The following PDS5A variants were observed in gnomAD, a reference collection of about 807,000 sequenced individuals.
PDS5A encodes PDS5 cohesin associated factor A, also known as sister chromatid cohesion protein PDS5 homolog A.
A neutral mutation model predicts 167.1 loss-of-function variants in PDS5A; 42 were observed. The observed-to-expected ratio is 0.25, with a 90% CI of 0.20 to 0.33. The LOEUF (loss-of-function observed/expected upper bound fraction) is 0.33, where lower values mean the gene tolerates loss of function less well. PDS5A is among the 10% of genes least tolerant of loss of function. PDS5A has a pLI of 1.00. For missense variants in PDS5A, 1,033 were observed against 1,605.9 expected, an observed-to-expected ratio of 0.64 and a Z score of 6.10; for synonymous variants, 553 against 554.6, an observed-to-expected ratio of 1.00 and a Z score of 0.04.
rs373101349 is a variant in PDS5A, at chr4:39,879,692, C to A, written c.1992+36G>T. The A allele has an allele frequency of 3.1e-6, 4 of 1,286,634 alleles. No homozygotes were observed. In the Admixed American group the frequency reaches 5.0e-5, roughly 16 times the overall value. 79.7% of individuals were successfully genotyped at this position (1,286,634 alleles called of 1,614,324 possible). A position where few individuals can be genotyped will look rare whatever the true frequency, so the allele number is the denominator to read the frequency against. On this transcript the variant is annotated intron_variant, in intron 18 of 32. Transcript: ENST00000303538. ...GAAGGGAAGGCAAATTATGACCCCA[C>A]GGAAATACATGGCAACAAAACTGTT...
At chr4:39,898,095 A>T in intron 16 of PDS5A, 1 of 1,108,534 alleles carries the variant, frequency 9.0e-7, no homozygotes, top group Non-Finnish European at 1.1e-6. Flanking sequence ...GTACACAAGC[A>T]TTCAGAAAAT....
intron 2 of PDS5A, among the ~76,000 whole-genome samples, chr4:39,932,251 T>C (rs1726140376): frequency 6.6e-6 from 1 of 152,196 alleles, no homozygotes; most frequent in Non-Finnish European, 1.5e-5. Flanking sequence ...ACAGGCCTGA[T>C]AAGCATTTGT....
intron 26 of PDS5A, among the ~76,000 whole-genome samples, chr4:39,853,722 G>A (rs772821250): frequency 3.3e-5 from 5 of 152,042 alleles, no homozygotes; most frequent in East Asian, 1.9e-4. Context: ...TTTTTCCCCT[G>A]GCTCCTTAAA....
chr4:39,913,865 T>C, intron 8 of PDS5A, 139 bp from the exon 9 acceptor site: 1 of 614,624 alleles, frequency 1.6e-6, no homozygotes, highest in Non-Finnish European at 2.9e-6. Context: ...ATGTCCTCAC[T>C]TACTATGCAG....
chr4:39,860,461 G>C (rs1279641765), intron 26 of PDS5A, among the ~76,000 whole-genome samples: 2 of 149,010 alleles, frequency 1.3e-5, no homozygotes, highest in East Asian at 2.0e-4. Flanking sequence ...TAAGACACTT[G>C]TCTCAAAAAA....
rs955336388 is a variant in PDS5A at position 39,841,539 on chromosome 4, G to A, written c.3657+409C>T. 4.0e-5 allele frequency among the ~76,000 whole-genome samples: 6 copies of A among 149,162 alleles called. No homozygotes were observed. The Admixed American group carries it at 4.0e-4, about 10-fold the overall frequency. ...TTTTTTTTTTTTTTTTGGAGGCAGA[G>A]TCTGCCTCTGTCACCCAGGCTTGAG... On this transcript the variant is annotated intron_variant, in intron 31 of 32. Transcript: ENST00000303538.
intron 22 of PDS5A, among the ~76,000 whole-genome samples, chr4:39,867,663 T>C (rs1719604290): frequency 6.6e-6 from 1 of 150,944 alleles, no homozygotes; most frequent in African/African-American, 2.4e-5. Context: ...GAGGTTGCAG[T>C]GAGCTGAGAT....
intron 6 of PDS5A, among the ~76,000 whole-genome samples, chr4:39,922,040 TGGG>T (rs949572300): frequency 6.6e-6 from 1 of 152,108 alleles, no homozygotes; most frequent in Non-Finnish European, 1.5e-5. Flanking sequence ...ATATCAACAT[TGGG>T]GTAGGCCTGA....
chr4:39,868,911 T>A (rs1267025383), intron 22 of PDS5A, among the ~76,000 whole-genome samples: 1 of 152,222 alleles, frequency 6.6e-6, no homozygotes, highest in African/African-American at 2.4e-5. Flanking sequence ...AGTGCCCAGC[T>A]TGACAATTAC....
Position 39,826,247 on chromosome 4 carries a change from C to T in PDS5A, c.4011-759G>A, listed in dbSNP as rs113479705. Among the ~76,000 whole-genome samples the T allele has an allele frequency of 9.2e-3, 1,390 of 150,704 alleles. 21 individuals carry two copies. Among genetic ancestry groups the T allele is most frequent in the African/African-American group, 0.032 (1,327 of 41,028 alleles). The stretch of plus-strand genomic sequence containing the variant: ...AGGGAAATTCTGATCCCTGGAAGCA[C>T]AGGAGAGTGGGACATGGCCTCTTTC... On this transcript the variant is annotated intron_variant, in intron 32 of 32. Transcript: ENST00000303538.
intron 2 of PDS5A, among the ~76,000 whole-genome samples, chr4:39,958,164 T>G (rs1255054754): frequency 6.6e-6 from 1 of 152,074 alleles, no homozygotes; most frequent in Non-Finnish European, 1.5e-5. Flanking sequence ...AGTGCTGAGA[T>G]CATAGGCATG....
At chr4:39,973,487 A>C in intron 2 of PDS5A, 2 of 1,338,176 alleles carry the variant, frequency 1.5e-6, no homozygotes, top group Non-Finnish European at 2.2e-6. Flanking sequence ...AATCTTGATG[A>C]TAGTATTGAT....
chr4:39,973,599 C>T, intron 2 of PDS5A: 1 of 1,281,256 alleles, frequency 7.8e-7, no homozygotes, highest in Non-Finnish European at 1.1e-6. Flanking sequence ...TCGTATGTTT[C>T]TCCTTCCCGG....
chr4:39,912,558 A>T (rs1723985271), intron 9 of PDS5A, among the ~76,000 whole-genome samples: 3 of 152,232 alleles, frequency 2.0e-5, no homozygotes, highest in African/African-American at 7.2e-5. Context: ...CTTGTCAGCG[A>T]TTTCTCAGAA....
chr4:39,833,755 G>A (rs532763777), intron 32 of PDS5A, among the ~76,000 whole-genome samples: 2 of 152,032 alleles, frequency 1.3e-5, no homozygotes, highest in African/African-American at 4.8e-5. Flanking sequence ...CAATTTACGG[G>A]GAAAAAAATT....
chr4:39,929,274 C>T (rs74835348), intron 2 of PDS5A, among the ~76,000 whole-genome samples: 3,080 of 151,788 alleles, frequency 0.02, 110 homozygotes, highest in African/African-American at 0.071. Flanking sequence ...CTGGGGAAGG[C>T]AGGTCCACTG....
chr4:39,857,626 T>C (rs986806248), intron 26 of PDS5A, among the ~76,000 whole-genome samples: 5 of 152,120 alleles, frequency 3.3e-5, no homozygotes, highest in Admixed American at 3.3e-4. Context: ...TTAGATAAAA[T>C]AGATTTAAAC....
chr4:39,925,947 A>C lies in PDS5A; in HGVS notation c.430-14T>G. The C allele has an allele frequency of 1.0e-6, 1 of 975,810 alleles. No individual in the cohort carries two copies. The highest frequency in any genetic ancestry group is 1.5e-6 in the Non-Finnish European group (1 of 680,256). 60.4% of individuals were successfully genotyped at this position (975,810 alleles called of 1,614,324 possible). ...CCAAGCTAAATTCTTAAATAAATAA[A>C]AATAATTATTGAATTATACATATAT... On this transcript the variant is annotated splice_polypyrimidine_tract_variant and intron_variant, in intron 4 of 32. Transcript: ENST00000303538.
At chr4:39,886,593 A>G (rs1373895702) in intron 17 of PDS5A, among the ~76,000 whole-genome samples, 1 of 151,984 alleles carries the variant, frequency 6.6e-6, no homozygotes, top group Non-Finnish European at 1.5e-5. Context: ...CATAACTGTA[A>G]TCATGGCTAC....
Sources: gnomAD v4.1 joint callset for allele counts (sites outside exome capture counted in the v4.1 genomes callset) on GRCh38, gnomAD v4.1.1 for gene constraint, MANE v1.5 for transcripts, NCBI Gene and HGNC (gene_info 2026-07-23, HGNC 2026-07-21) for gene names.